FANK1: variants seen among roughly 807,000 people sequenced by gnomAD.
FANK1 encodes fibronectin type 3 and ankyrin repeat domains protein 1.
A neutral mutation model predicts 45.3 loss-of-function variants in FANK1; 44 were observed. The observed-to-expected ratio is 0.97, with a 90% CI of 0.76 to 1.25. The LOEUF (loss-of-function observed/expected upper bound fraction) is 1.25. Ranked by LOEUF, FANK1 falls within the 50% of genes most tolerant of loss-of-function variation. The pLI is 0.00. For missense variants in FANK1, 391 were observed against 424.4 expected, an observed-to-expected ratio of 0.92 and a Z score of 0.69; for synonymous variants, 149 against 152.5, an observed-to-expected ratio of 0.98 and a Z score of 0.17.
intron 5 of FANK1, among the ~76,000 whole-genome samples, chr10:125,997,148 G>A (rs34386365): frequency 0.041 from 6,304 of 152,228 alleles, 193 homozygotes; most frequent in Non-Finnish European, 0.064. Context: ...AAAGGACAGC[G>A]AATTATTTTG....
At chr10:125,949,452 A>G (rs1448631834) in intron 1 of FANK1, among the ~76,000 whole-genome samples, 8 of 152,228 alleles carry the variant, frequency 5.3e-5, no homozygotes, top group East Asian at 1.9e-4. Flanking sequence ...TACAAAAATC[A>G]CAAGTATTCT....
intron 1 of FANK1, among the ~76,000 whole-genome samples, chr10:125,899,440 G>A (rs1944858109): frequency 6.6e-6 from 1 of 152,120 alleles, no homozygotes; most frequent in African/African-American, 2.4e-5. Flanking sequence ...CGAACGCCTG[G>A]CCTCAAGTGA....
At chr10:125,958,571 T>A (rs2096666658) in intron 1 of FANK1, among the ~76,000 whole-genome samples, 1 of 152,190 alleles carries the variant, frequency 6.6e-6, no homozygotes, top group Non-Finnish European at 1.5e-5. Context: ...CCATACTGTT[T>A]TCCATAGCGG....
intron 2 of FANK1, among the ~76,000 whole-genome samples, chr10:125,987,307 G>A (rs1270422265): frequency 3.3e-5 from 5 of 152,022 alleles, no homozygotes; most frequent in Non-Finnish European, 7.4e-5. Context: ...ATATTTAGTT[G>A]CACATAAACA....
At chr10:125,945,902 C>A (rs899002338) in intron 1 of FANK1, among the ~76,000 whole-genome samples, 16 of 152,192 alleles carry the variant, frequency 1.1e-4, no homozygotes, top group African/African-American at 3.1e-4. Context: ...AGCTGGAGAT[C>A]TGAGAACCGG....
intron 1 of FANK1, among the ~76,000 whole-genome samples, chr10:125,912,255 G>T (rs953124506): frequency 6.6e-6 from 1 of 152,156 alleles, no homozygotes; most frequent in Non-Finnish European, 1.5e-5. Flanking sequence ...AAACCTGTTT[G>T]TTTTACCATA....
rs369427194 is a variant in FANK1, at chr10:125,933,622, C to A, written c.13+36967C>A. Among the ~76,000 whole-genome samples the A allele has an allele frequency of 3.1e-4, 47 of 152,086 alleles. No individual in the cohort carries two copies. In the South Asian group the frequency reaches 9.3e-3, roughly 30 times the overall value. ...TATGTTTCGTCTTTTTTGTTTGTTT[C>A]AATTTCATTTAGTTCTGCTCGGATC... On this transcript the variant is annotated intron_variant, in intron 1 of 10. Transcript: ENST00000368693.
At chr10:125,989,363 T>A in intron 3 of FANK1, 1 of 1,551,158 alleles carries the variant, frequency 6.4e-7, no homozygotes, top group Non-Finnish European at 8.7e-7. Flanking sequence ...CACAGGCAAG[T>A]AATTTTTCAG....
intron 1 of FANK1, among the ~76,000 whole-genome samples, chr10:125,962,992 T>G (rs1439485282): frequency 6.6e-6 from 1 of 151,886 alleles, no homozygotes; most frequent in Non-Finnish European, 1.5e-5. Context: ...CTGTGGTTTT[T>G]TTTTTTTTTT....
chr10:125,980,074 G>T (rs1424761534), intron 1 of FANK1, 87 bp from the exon 2 acceptor site: 6 of 1,392,462 alleles, frequency 4.3e-6, no homozygotes, highest in South Asian at 1.4e-5. Flanking sequence ...AAAATAGCTC[G>T]ATCACCAAGC....
chr10:125,996,599 G>A lies in FANK1; in HGVS notation c.448G>A (p.Val150Ile), dbSNP rs1464526856. Residue 150 changes from valine to isoleucine, a missense_variant, in exon 5 of 11, where the codon GTT becomes ATT. Physicochemically the swap from Val to Ile is conservative, Grantham distance 29 (BLOSUM62 3). Coordinates refer to ENST00000368693, the MANE Select transcript of FANK1 (RefSeq NM_145235.5). ...TAAGTTTGGCTTTACCGCTCTGATG[G>A]TTGCTGCCCAGAAAGGATACACCAG... ...PNKFGFTALM[V>I]AAQKGYTRLV... The A allele has an allele frequency of 6.2e-7, 1 of 1,614,110 alleles. No individual in the cohort carries two copies. Among genetic ancestry groups the A allele is most frequent in the East Asian group, 2.2e-5 (1 of 44,882 alleles).
At chr10:125,996,656 G>A (rs778484407) in intron 5 of FANK1, 32 bp downstream of exon 5, 1 of 1,597,200 alleles carries the variant, frequency 6.3e-7, no homozygotes, top group East Asian at 2.2e-5. Flanking sequence ...AATCTCTCTT[G>A]GGGATTTAAC....
At chr10:126,005,417 C>T (rs559080911) in intron 7 of FANK1, among the ~76,000 whole-genome samples, 16 of 151,806 alleles carry the variant, frequency 1.1e-4, no homozygotes, top group East Asian at 9.7e-4. Flanking sequence ...AAGCGATTCT[C>T]CTGCCTCAGC....
intron 1 of FANK1, among the ~76,000 whole-genome samples, chr10:125,977,609 G>A (rs564594923): frequency 1.3e-5 from 2 of 152,242 alleles, no homozygotes; most frequent in East Asian, 3.9e-4. Context: ...CAGCTTAGAG[G>A]CAGCAGAGGA....
At chr10:125,985,053 C>T (rs1041960178) in intron 2 of FANK1, among the ~76,000 whole-genome samples, 1 of 152,240 alleles carries the variant, frequency 6.6e-6, no homozygotes, top group Non-Finnish European at 1.5e-5. Context: ...CAAGAATCTT[C>T]AGCCTTTGAC....
intron 1 of FANK1, among the ~76,000 whole-genome samples, chr10:125,978,627 A>G (rs755297877): frequency 3.9e-5 from 6 of 152,166 alleles, no homozygotes; most frequent in Non-Finnish European, 8.8e-5. Flanking sequence ...GCTATGCTGT[A>G]CTGGGGGATC....
At chr10:125,938,425 A>G (rs1438717307) in intron 1 of FANK1, among the ~76,000 whole-genome samples, 3 of 152,214 alleles carry the variant, frequency 2.0e-5, no homozygotes, top group Non-Finnish European at 4.4e-5. Context: ...ATGGCTTAGC[A>G]AATTGGATGA....
intron 8 of FANK1, 85 bp downstream of exon 8, chr10:126,008,635 TCAGCCCTGCAC>T (rs1256377219): frequency 6.7e-7 from 1 of 1,487,996 alleles, no homozygotes; most frequent in Admixed American, 2.0e-5. Flanking sequence ...TCTTGTGAGT[TCAGCCCTGCAC>T]CAGCCCTTGG....
chr10:125,955,347 T>C (rs896916928), intron 1 of FANK1, among the ~76,000 whole-genome samples: 1 of 151,974 alleles, frequency 6.6e-6, no homozygotes, highest in African/African-American at 2.4e-5. Context: ...AGTAAGAACA[T>C]GTAGTGTTTG....
Sources: gnomAD v4.1 joint callset for allele counts (sites outside exome capture counted in the v4.1 genomes callset) on GRCh38, gnomAD v4.1.1 for gene constraint, MANE v1.5 for transcripts, NCBI Gene and HGNC (gene_info 2026-07-23, HGNC 2026-07-21) for gene names.